Variants in LTN1 observed in about 807,000 individuals in gnomAD.
LTN1 encodes the protein listerin E3 ubiquitin protein ligase 1, also known as E3 ubiquitin-protein ligase listerin.
In LTN1, 88 loss-of-function variants were observed where a neutral mutation model predicts 201.2. The ratio of observed to expected loss-of-function variants is 0.44; its 90% CI spans 0.37 to 0.52. LTN1 has a LOEUF of 0.52. Ranked by LOEUF, LTN1 falls within the 20% of genes least tolerant of loss-of-function variation. The probability of loss-of-function intolerance (pLI) is 0.00; values close to 1 mark genes in which losing one functional copy is unlikely to be tolerated. For missense variants in LTN1, 1,752 were observed against 2,038.7 expected (o/e 0.86, Z 2.71); for synonymous variants, 645 against 713.5 (o/e 0.90, Z 1.53).
intron 6 of LTN1, among the ~76,000 whole-genome samples, chr21:28,973,657 C>A (rs994820373): frequency 5.3e-5 from 8 of 152,014 alleles, no homozygotes; most frequent in Admixed American, 2.0e-4. Context: ...AGAAATCAAG[C>A]ATTCATTCAT....
chr21:28,992,826 T>G lies in LTN1; in HGVS notation c.-21A>C, dbSNP rs750555772. 1 of 1,614,198 alleles carries G rather than the reference T, an allele frequency of 6.2e-7. No individual in the cohort carries two copies. The highest frequency in any genetic ancestry group is 1.1e-5 in the South Asian group (1 of 91,080). On this transcript the variant is annotated 5_prime_UTR_variant, in exon 1 of 30. Transcript: ENST00000361371. ...CCCATGGTCGCGGTTGCAGCTGTAC[T>G]CTGAGCACTCAGACCCCGGTTGACA...
chr21:28,950,491 C>A (rs1186650644), intron 18 of LTN1, among the ~76,000 whole-genome samples: 2 of 152,028 alleles, frequency 1.3e-5, no homozygotes, highest in African/African-American at 4.8e-5. Context: ...AAGTTACATA[C>A]AGTATGATTC....
At chr21:28,977,927 CAAA>C (rs56303862) in intron 6 of LTN1, among the ~76,000 whole-genome samples, 1 of 119,624 alleles carries the variant, frequency 8.4e-6, no homozygotes. Context: ...GACTCTGTCT[CAAA>C]AAAAAAAAAA....
intron 16 of LTN1, among the ~76,000 whole-genome samples, chr21:28,954,962 A>G (rs1223112549): frequency 6.6e-6 from 1 of 152,226 alleles, no homozygotes; most frequent in African/African-American, 2.4e-5. Context: ...CTTTCTGCAC[A>G]GCAAAAGAAA....
chr21:28,967,066 T>C lies in LTN1; in HGVS notation c.1425A>G (p.Lys475=). ...CCAAGTTGTGAGCTGTTTTTTCATC[T>C]TTTTCCGTGTCTGCTTTGGCTTCCC... ...SSWEAKADTE[K]DEKTAHNLEN... The change falls in exon 10 of 30, where the codon AAA becomes AAG. Residue 475 remains lysine, a synonymous_variant. Coordinates refer to ENST00000361371, the MANE Select transcript of LTN1 (RefSeq NM_015565.3). 2.5e-6 allele frequency: 4 copies of C among 1,614,004 alleles called. No homozygotes were observed. Among genetic ancestry groups the C allele is most frequent in the Non-Finnish European group, 3.4e-6 (4 of 1,179,884 alleles).
Position 28,931,163 on chromosome 21 carries a change from C to T in LTN1, c.5230G>A (p.Ala1744Thr). The stretch of plus-strand genomic sequence containing the variant: ...TTTCTCTTTAGACTTACCAAGCAGG[C>T]TGAATGGAATTTTTTCTTGCATGTT... ...CRTCKKKFHS[A>T]CLYKWFTSSN... The change falls in exon 29 of 30, where the codon GCC (alanine) becomes ACC (threonine). Residue 1744 changes from alanine to threonine, a missense_variant. Transcript: ENST00000361371. 6.2e-7 allele frequency: 1 copy of T among 1,608,416 alleles called. No individual in the cohort carries two copies.
At chr21:28,990,444 A>G (rs961084987) in intron 1 of LTN1, among the ~76,000 whole-genome samples, 7 of 152,244 alleles carry the variant, frequency 4.6e-5, no homozygotes, top group African/African-American at 1.4e-4. Flanking sequence ...ATGATTAAGC[A>G]TAAGTTTTTA....
At chr21:28,957,758 C>A (rs1007170695) in intron 14 of LTN1, among the ~76,000 whole-genome samples, 1 of 152,142 alleles carries the variant, frequency 6.6e-6, no homozygotes, top group Admixed American at 6.5e-5. Flanking sequence ...AATACAGCTA[C>A]CTTATGAAAT....
Position 28,936,674 on chromosome 21 carries a change from A to T in LTN1, c.4506T>A (p.Tyr1502Ter). Reference sequence around the variant, plus strand: ...TATTCAAACTCTTTGTTTTCCGAAGATACATGGAATACAAAGCCCGAAGCT... The same window carrying T: ...TATTCAAACTCTTTGTTTTCCGAAGTTACATGGAATACAAAGCCCGAAGCT... Reference protein sequence around the residue: ...SSQLRALYSMYLRKTKSLNKL... With the variant: ...SSQLRALYSM The change falls in exon 26 of 30, where the codon TAT (tyrosine) becomes TAA (stop). Residue 1502 changes from tyrosine to a stop codon, truncating the protein, a stop_gained. Transcript: ENST00000361371. LOFTEE classifies it high-confidence loss of function. The T allele has an allele frequency of 6.2e-7, 1 of 1,612,278 alleles. No homozygotes were observed. The highest frequency in any genetic ancestry group is 8.5e-7 in the Non-Finnish European group (1 of 1,178,916).
In LTN1 at chr21:28,946,063, A is replaced by AT. The variant is rs1203122473; in HGVS notation, c.3623+88dup. On this transcript the variant is annotated intron_variant, in intron 20 of 29. Coordinates refer to ENST00000361371, the MANE Select transcript of LTN1 (RefSeq NM_015565.3). ...TTTATAACTGACTTAAATGTCTACC[A>AT]TAATTTCTCTACAAAATTGTGACAC... 2.1e-5 allele frequency: 30 copies of AT among 1,448,558 alleles called. No homozygotes were observed. The East Asian group carries it at 6.9e-4, about 33-fold the overall frequency. 89.7% of individuals were successfully genotyped at this position (1,448,558 alleles called of 1,614,324 possible). A position where few individuals can be genotyped will look rare whatever the true frequency, so the allele number is the denominator to read the frequency against.
chr21:28,981,897 C>G (rs2084661532), intron 5 of LTN1, among the ~76,000 whole-genome samples: 1 of 152,182 alleles, frequency 6.6e-6, no homozygotes, highest in African/African-American at 2.4e-5. Context: ...TTCATCTCTA[C>G]ATATATTATT....
chr21:28,952,852 T>C (rs1459915400), intron 17 of LTN1, among the ~76,000 whole-genome samples: 1 of 152,208 alleles, frequency 6.6e-6, no homozygotes, highest in Non-Finnish European at 1.5e-5. Flanking sequence ...GGGAGAGGGC[T>C]TTGTGGTCAT....
rs1464684726 is a variant in LTN1 at position 28,953,279 on chromosome 21, A to C, written c.3177T>G (p.Ile1059Met). ...CAAGTACACGTAAGTTATCATACGT[A>C]ATATTCATTTTTTGAAGTATTTCAC... ...GFCEILQKMN[I>M]TYDNLRVLGN... The change falls in exon 17 of 30, where the codon ATT becomes ATG. Residue 1059 changes from isoleucine to methionine, a missense_variant. Physicochemically the swap from Ile to Met is conservative, Grantham distance 10. Around this residue, in one of 3 missense-constraint regions of LTN1, gnomAD observed 1,211 missense variants for 1,312.8 expected, o/e 0.92. Transcript: ENST00000361371. 2 of 1,606,034 alleles carry C rather than the reference A, an allele frequency of 1.2e-6. No homozygotes were observed.
chr21:28,977,373 CAAAAA>C (rs113562906), intron 6 of LTN1, among the ~76,000 whole-genome samples: 1 of 102,514 alleles, frequency 9.8e-6, no homozygotes, highest in Non-Finnish European at 2.1e-5. Context: ...GACTCCATCT[CAAAAA>C]AAAAAAAAAA....
Position 28,986,240 on chromosome 21 carries a change from A to T in LTN1, c.247-3T>A. The T allele has an allele frequency of 6.5e-7, 1 of 1,545,742 alleles. No individual in the cohort carries two copies. The highest frequency in any genetic ancestry group is 8.9e-7 in the Non-Finnish European group (1 of 1,118,870). On this transcript the variant is annotated splice_region_variant and splice_polypyrimidine_tract_variant and intron_variant, in intron 2 of 29. Coordinates refer to ENST00000361371, the MANE Select transcript of LTN1 (RefSeq NM_015565.3). This position sits in a 1 kb window ranked among gnomAD's most constrained non-coding sequence, Gnocchi z 4.1. ...ATGGTTCCAAATTCCTGCATAGCCT[A>T]AAAGTAAGTTATTAACATCATTAGG...
chr21:28,976,721 T>C (rs2084617966), intron 6 of LTN1, among the ~76,000 whole-genome samples: 1 of 152,200 alleles, frequency 6.6e-6, no homozygotes, highest in African/African-American at 2.4e-5. Context: ...ATTAAAATTC[T>C]AGTTAGACGT....
At chr21:28,989,546 C>A (rs2084729030) in intron 1 of LTN1, among the ~76,000 whole-genome samples, 1 of 151,978 alleles carries the variant, frequency 6.6e-6, no homozygotes, top group Non-Finnish European at 1.5e-5. Flanking sequence ...GGTGGCAATC[C>A]TGAGTCTACA....
At chr21:28,981,526 G>A (rs2084658542) in intron 5 of LTN1, among the ~76,000 whole-genome samples, 1 of 152,100 alleles carries the variant, frequency 6.6e-6, no homozygotes, top group African/African-American at 2.4e-5. Flanking sequence ...GCCAAGGCTT[G>A]CAATAAGTGA....
chr21:28,947,306 G>A (rs2084345487), intron 19 of LTN1, among the ~76,000 whole-genome samples, 158 bp downstream of exon 19: 1 of 152,046 alleles, frequency 6.6e-6, no homozygotes, highest in Admixed American at 6.5e-5. Flanking sequence ...CTGTAAAATG[G>A]TAACAGCCAC....
Sources: allele counts gnomAD v4.1 joint callset (sites outside exome capture counted in the v4.1 genomes callset), GRCh38; gene constraint gnomAD v4.1.1; regional missense constraint gnomAD v4.1.1; non-coding constraint Gnocchi (gnomAD v3.1); transcripts MANE v1.5; gene names NCBI Gene and HGNC (gene_info 2026-07-23, HGNC 2026-07-21).